Variants in TJP2 observed in about 807,000 individuals in gnomAD.
TJP2 encodes the protein Friedreich ataxia region gene X104 (tight junction protein ZO-2).
Under a neutral mutation model 133.1 loss-of-function variants are expected in TJP2, and 91 were observed. That is an observed-to-expected ratio of 0.68 (90% CI 0.58 to 0.81). TJP2 has a LOEUF of 0.81. TJP2 is among the 40% of genes least tolerant of loss of function. The pLI is 0.00. For synonymous variants in TJP2, 592 were observed against 583.4 expected (o/e 1.01, Z -0.21); for missense variants, 1,541 against 1,565.6 (o/e 0.98, Z 0.26).
At chr9:69,137,615 C>T (rs1163468481) in intron 1 of TJP2, among the ~76,000 whole-genome samples, 6 of 151,916 alleles carry the variant, frequency 3.9e-5, no homozygotes, top group Admixed American at 3.9e-4. Context: ...CTGCCCGCTT[C>T]GGCCTCCCAA....
At chr9:69,142,080 G>C (rs917043816) in intron 1 of TJP2, among the ~76,000 whole-genome samples, 3 of 152,294 alleles carry the variant, frequency 2.0e-5, no homozygotes, top group African/African-American at 7.2e-5. Flanking sequence ...AATGGATGAG[G>C]GTGTCTTCAA....
intron 1 of TJP2, among the ~76,000 whole-genome samples, chr9:69,131,526 T>G (rs911247431): frequency 6.6e-6 from 1 of 152,218 alleles, no homozygotes; most frequent in African/African-American, 2.4e-5. Context: ...CGTCTGAGGA[T>G]GTAAAATATT....
chr9:69,129,816 A>G (rs1822408797), intron 1 of TJP2, among the ~76,000 whole-genome samples: 1 of 151,978 alleles, frequency 6.6e-6, no homozygotes, highest in African/African-American at 2.4e-5. Flanking sequence ...CAGGAGTTCG[A>G]GACCAGCCTG....
At chr9:69,247,565 C>G (rs1289665619) in intron 18 of TJP2, among the ~76,000 whole-genome samples, 1 of 152,220 alleles carries the variant, frequency 6.6e-6, no homozygotes, top group South Asian at 2.1e-4. Flanking sequence ...TGCAAGCTTC[C>G]CTGGGGAGGA....
intron 1 of TJP2, among the ~76,000 whole-genome samples, chr9:69,142,760 T>G (rs1158979402): frequency 6.6e-6 from 1 of 152,224 alleles, no homozygotes; most frequent in Non-Finnish European, 1.5e-5. Context: ...AAGTTTTATG[T>G]TCAATTTTAA....
chr9:69,212,392 T>A (rs1827984761), intron 1 of TJP2, among the ~76,000 whole-genome samples, 156 bp from the exon 2 acceptor site: 1 of 152,252 alleles, frequency 6.6e-6, no homozygotes, highest in Non-Finnish European at 1.5e-5. Flanking sequence ...GGAGAGTGTG[T>A]TTGAAAATAG....
At chr9:69,244,184 GAAAAAAA>G (rs35047206) in intron 17 of TJP2, among the ~76,000 whole-genome samples, 10 of 58,342 alleles carry the variant, frequency 1.7e-4, no homozygotes, top group Non-Finnish European at 3.4e-4. Context: ...CCTGTCTCAG[GAAAAAAA>G]AAAAAAAAAA....
At chr9:69,174,463 AG>A in intron 1 of TJP2, 31 bp downstream of exon 1, 1 of 1,444,884 alleles carries the variant, frequency 6.9e-7, no homozygotes, top group Non-Finnish European at 9.4e-7. Context: ...CGCGGTTGGG[AG>A]GAGGGTCGTG....
At chr9:69,219,640 T>C (rs1173759445) in intron 4 of TJP2, among the ~76,000 whole-genome samples, 1 of 152,154 alleles carries the variant, frequency 6.6e-6, no homozygotes, top group Non-Finnish European at 1.5e-5. Context: ...CCCAGGCTGA[T>C]CTTGATCTCC....
Position 69,191,719 on chromosome 9 carries a change from C to G in TJP2, c.60+17287C>G, listed in dbSNP as rs929592226. 3.3e-5 allele frequency among the ~76,000 whole-genome samples: 5 copies of G among 152,182 alleles called. No homozygotes were observed. In the South Asian group the frequency reaches 8.3e-4, roughly 25 times the overall value. ...ACAATAGAGACTAAACGTTCAATGA[C>G]TGAATGCAGTTCATTTTTAAAATTT... On this transcript the variant is annotated intron_variant, in intron 1 of 22. Transcript: ENST00000377245.
Position 69,238,704 on chromosome 9 carries a change from T to C in TJP2, c.2276-6T>C. 6.2e-7 allele frequency: 1 copy of C among 1,613,210 alleles called. No homozygotes were observed. Among genetic ancestry groups the C allele is most frequent in the Non-Finnish European group, 8.5e-7 (1 of 1,179,428 alleles). ...ATTATTTAGCTTCCTGTTTTTGCTT[T>C]TGCAGAAACGGAACCAAAAGATGCA... On this transcript the variant is annotated splice_region_variant and splice_polypyrimidine_tract_variant and intron_variant, in intron 15 of 22. Coordinates refer to ENST00000377245, the MANE Select transcript of TJP2 (RefSeq NM_004817.4).
chr9:69,193,551 C>T lies in TJP2; in HGVS notation c.61-18997C>T, dbSNP rs139454780. On this transcript the variant is annotated intron_variant, in intron 1 of 22. Coordinates refer to ENST00000377245, the MANE Select transcript of TJP2 (RefSeq NM_004817.4). ...ACGTCAGCCCATACCTGAAGTTTCC[C>T]GTGTCACCAATGGACTAAGGATGCA... Among the ~76,000 whole-genome samples, 16 of 148,280 alleles carry T rather than the reference C, an allele frequency of 1.1e-4. No individual in the cohort carries two copies. In the East Asian group the frequency reaches 1.2e-3, roughly 11 times the overall value.
In TJP2 at chr9:69,237,110, C is replaced by G. The variant is rs758553302; in HGVS notation, c.2153C>G (p.Ala718Gly). The change falls in exon 14 of 23, where the codon GCT becomes GGT. Residue 718 changes from alanine to glycine, a missense_variant. Transcript: ENST00000377245. Reference sequence around the variant, plus strand: ...GTGTCTGTCAGCACCAAGTTCCCAGCTTATGAGAGGGTTTTGCTGCGAGAA... The same window carrying G: ...GTGTCTGTCAGCACCAAGTTCCCAGGTTATGAGAGGGTTTTGCTGCGAGAA... ...AVVSVSTKFP[A>G]YERVLLREAG... 6.2e-7 allele frequency: 1 copy of G among 1,614,062 alleles called. No homozygotes were observed. The highest frequency in any genetic ancestry group is 8.5e-7 in the Non-Finnish European group (1 of 1,180,018).
intron 17 of TJP2, among the ~76,000 whole-genome samples, chr9:69,242,950 G>GCTTC (rs1035983120): frequency 1.4e-4 from 22 of 152,170 alleles, no homozygotes; most frequent in African/African-American, 4.6e-4. Context: ...TGCAACCTCT[G>GCTTC]CTTCCTGGGC....
chr9:69,209,167 CAG>C (rs1282584705), intron 1 of TJP2, among the ~76,000 whole-genome samples: 4 of 152,058 alleles, frequency 2.6e-5, no homozygotes, highest in African/African-American at 9.7e-5. Flanking sequence ...TTTTTTGAGA[CAG>C]AGTCTCACTC....
chr9:69,237,551 TA>T (rs1830279843), intron 14 of TJP2, among the ~76,000 whole-genome samples: 1 of 151,464 alleles, frequency 6.6e-6, no homozygotes, highest in Non-Finnish European at 1.5e-5. Flanking sequence ...AGTTTGTGTT[TA>T]AAAATGGTGA....
rs35602682 is a variant in TJP2, at chr9:69,182,788, C to CTT, written c.60+8372_60+8373dup. On this transcript the variant is annotated intron_variant, in intron 1 of 22. Transcript: ENST00000377245. ...CTCAAGTAGAGAGCTTGATGAATTTCTTTTTTTTTTTTTTTTTGAGATGGA... is the reference window on the plus strand; with the variant it reads ...CTCAAGTAGAGAGCTTGATGAATTTCTTTTTTTTTTTTTTTTTTTGAGATGGA... Among the ~76,000 whole-genome samples the CTT allele has an allele frequency of 3.9e-3, 499 of 129,402 alleles. 7 individuals are homozygous for CTT. The highest frequency in any genetic ancestry group is 5.9e-3 in the Admixed American group (71 of 11,944). The allele number at this position is 129,402 out of a possible 152,430, so 84.9% of individuals were successfully genotyped here.
intron 2 of TJP2, among the ~76,000 whole-genome samples, chr9:69,167,802 A>AG (rs775942202): frequency 8.7e-5 from 13 of 150,052 alleles, no homozygotes; most frequent in African/African-American, 1.2e-4. Context: ...TGGGAGGCAG[A>AG]GGTTATGGTG....
chr9:69,251,437 C>G, intron 21 of TJP2, 73 bp downstream of exon 21: 1 of 1,474,882 alleles, frequency 6.8e-7, no homozygotes. Context: ...CAGCGAACAG[C>G]CCCTTTGCTG....
Sources: gnomAD v4.1 joint callset for allele counts (sites outside exome capture counted in the v4.1 genomes callset) on GRCh38, gnomAD v4.1.1 for gene constraint, MANE v1.5 for transcripts, NCBI Gene and HGNC (gene_info 2026-07-23, HGNC 2026-07-21) for gene names.